The following OXR1 variants were observed in gnomAD, a reference collection of about 807,000 sequenced individuals.
The protein encoded by OXR1 is oxidation resistance 1, also known as oxidation resistance protein 1.
A neutral mutation model predicts 104.6 loss-of-function variants in OXR1; 41 were observed. The ratio of observed to expected loss-of-function variants is 0.39; its 90% CI spans 0.31 to 0.51. OXR1 has a LOEUF of 0.51. OXR1 is among the 20% of genes least tolerant of loss of function. The pLI, the probability that OXR1 is intolerant of heterozygous loss-of-function variation, is 0.77. For synonymous variants in OXR1, 348 were observed against 348.4 expected (o/e 1.00, Z 0.01); for missense variants, 955 against 1,031.9 (o/e 0.93, Z 1.02).
chr8:106,660,317 CT>C (rs1825631178), intron 3 of OXR1, among the ~76,000 whole-genome samples: 1 of 152,106 alleles, frequency 6.6e-6, no homozygotes, highest in Non-Finnish European at 1.5e-5. Flanking sequence ...TAGGGTTGTT[CT>C]TTGTGTTTGT....
At chr8:106,415,218 T>C (rs1339086709) in intron 2 of OXR1, among the ~76,000 whole-genome samples, 3 of 152,154 alleles carry the variant, frequency 2.0e-5, no homozygotes, top group African/African-American at 7.2e-5. Context: ...TCCTTGTAAA[T>C]ATTCAGTGTG....
chr8:106,475,990 A>C (rs1821788440), intron 2 of OXR1, among the ~76,000 whole-genome samples: 2 of 145,208 alleles, frequency 1.4e-5, no homozygotes, highest in South Asian at 4.1e-4. Flanking sequence ...AGTTTAATCC[A>C]GGATGAATTT....
At chr8:106,342,683 G>C (rs1815307514) in intron 1 of OXR1, among the ~76,000 whole-genome samples, 1 of 152,208 alleles carries the variant, frequency 6.6e-6, no homozygotes, top group African/African-American at 2.4e-5. Flanking sequence ...GTTTGCATCT[G>C]AGAGTCCATT....
chr8:106,726,415 T>A, intron 11 of OXR1: 1 of 622,156 alleles, frequency 1.6e-6, no homozygotes, highest in Non-Finnish European at 2.6e-6. Flanking sequence ...AGGATATTTA[T>A]AGAATACAAA....
intron 2 of OXR1, among the ~76,000 whole-genome samples, chr8:106,443,976 G>A (rs188968482): frequency 2.7e-3 from 417 of 151,984 alleles, no homozygotes; most frequent in African/African-American, 9.5e-3. Flanking sequence ...AAATTTAAAA[G>A]GAACTTAAAC....
intron 2 of OXR1, among the ~76,000 whole-genome samples, chr8:106,379,538 T>TC: frequency 4.6e-5 from 1 of 21,892 alleles, no homozygotes; most frequent in Non-Finnish European, 9.3e-5. Context: ...TCTTTCTTTC[T>TC]TTTTTTTTTT....
rs1289027808 is a variant in OXR1, at chr8:106,742,473, A to AG, written c.2412+157dup. ...TTTAAAGTTCATGTGGAACCCAAAA[A>AG]GAGCCCAAATAGCCAAGAGAATGCT... On this transcript the variant is annotated intron_variant, in intron 15 of 16. Transcript: ENST00000517566. 3 of 533,982 alleles carry AG rather than the reference A, an allele frequency of 5.6e-6. No homozygotes were observed. In the African/African-American group the frequency reaches 5.8e-5, roughly 10 times the overall value. 33.1% of individuals were successfully genotyped at this position (533,982 alleles called of 1,614,324 possible). A position where few individuals can be genotyped will look rare whatever the true frequency, so the allele number is the denominator to read the frequency against.
At chr8:106,346,765 C>T (rs964663929) in intron 1 of OXR1, among the ~76,000 whole-genome samples, 4 of 152,020 alleles carry the variant, frequency 2.6e-5, no homozygotes, top group African/African-American at 9.7e-5. Context: ...TCTGGCTGGG[C>T]GCGGTGGCTC....
chr8:106,622,485 A>ACACACC (rs142740821), intron 3 of OXR1, among the ~76,000 whole-genome samples: 21 of 131,566 alleles, frequency 1.6e-4, no homozygotes, highest in East Asian at 1.3e-3. Flanking sequence ...ACACACACAC[A>ACACACC]CCCCTTACTT....
intron 2 of OXR1, among the ~76,000 whole-genome samples, chr8:106,451,036 T>C (rs1820285444): frequency 6.6e-6 from 1 of 152,170 alleles, no homozygotes; most frequent in African/African-American, 2.4e-5. Context: ...CTATAGAACC[T>C]ATCAAGGCTA....
intron 3 of OXR1, among the ~76,000 whole-genome samples, chr8:106,676,610 A>T (rs1827620457): frequency 6.6e-6 from 1 of 152,018 alleles, no homozygotes; most frequent in Non-Finnish European, 1.5e-5. Flanking sequence ...AATGATGAAT[A>T]TTGGCCCTCA....
intron 2 of OXR1, among the ~76,000 whole-genome samples, chr8:106,365,357 G>A (rs1202887374): frequency 6.6e-6 from 1 of 151,358 alleles, no homozygotes; most frequent in Non-Finnish European, 1.5e-5. Flanking sequence ...TGGTCAGCTT[G>A]TAAAGGAGTA....
At chr8:106,534,040 G>C (rs1355173373) in intron 3 of OXR1, among the ~76,000 whole-genome samples, 1 of 152,156 alleles carries the variant, frequency 6.6e-6, no homozygotes, top group African/African-American at 2.4e-5. Flanking sequence ...GAGGGACTCA[G>C]AGAGGAAAGC....
chr8:106,589,499 C>G (rs1358423630), intron 3 of OXR1, among the ~76,000 whole-genome samples: 5 of 152,020 alleles, frequency 3.3e-5, no homozygotes, highest in Non-Finnish European at 5.9e-5. Flanking sequence ...TCTTAGGGAG[C>G]CTTGTACAAA....
At chr8:106,380,257 A>C (rs60550958) in intron 2 of OXR1, among the ~76,000 whole-genome samples, 6,920 of 149,954 alleles carry the variant, frequency 0.046, 508 homozygotes, top group African/African-American at 0.16. Flanking sequence ...TCCCCTTAAC[A>C]TAATGTTTTC....
intron 2 of OXR1, among the ~76,000 whole-genome samples, chr8:106,516,401 G>A (rs1812862908): frequency 1.3e-5 from 2 of 152,100 alleles, no homozygotes; most frequent in Admixed American, 6.6e-5. Context: ...AGGGCTCTAG[G>A]ACTACAGTTG....
intron 3 of OXR1, among the ~76,000 whole-genome samples, chr8:106,579,451 G>A: frequency 6.6e-6 from 1 of 152,160 alleles, no homozygotes; most frequent in East Asian, 1.9e-4. Context: ...GAGCTAGAAA[G>A]AATAGGCTGA....
intron 2 of OXR1, among the ~76,000 whole-genome samples, chr8:106,457,222 T>G (rs1586664701): frequency 6.6e-6 from 1 of 152,164 alleles, no homozygotes; most frequent in African/African-American, 2.4e-5. Flanking sequence ...AGAAGTGGGT[T>G]AGTTAGTTGT....
At chr8:106,655,249 G>T (rs916237116) in intron 3 of OXR1, among the ~76,000 whole-genome samples, 1 of 151,942 alleles carries the variant, frequency 6.6e-6, no homozygotes, top group African/African-American at 2.4e-5. Flanking sequence ...TTGTTATCAG[G>T]TGAACTATAT....
Sources: allele counts gnomAD v4.1 joint callset (sites outside exome capture counted in the v4.1 genomes callset), GRCh38; gene constraint gnomAD v4.1.1; transcripts MANE v1.5; gene names NCBI Gene and HGNC (gene_info 2026-07-23, HGNC 2026-07-21).